KMT2E: variants seen among roughly 807,000 people sequenced by gnomAD.
The protein encoded by KMT2E is lysine methyltransferase 2E (inactive).
KMT2E carries 30 observed loss-of-function variants against 184.6 expected under a neutral mutation model. The observed-to-expected ratio is 0.16, with a 90% CI of 0.12 to 0.22. The LOEUF (loss-of-function observed/expected upper bound fraction) is 0.22. Ranked by LOEUF, KMT2E falls within the 10% of genes least tolerant of loss-of-function variation. The pLI is 1.00. For missense variants in KMT2E, 2,023 were observed against 2,237.4 expected (o/e 0.90, Z 1.93); for synonymous variants, 815 against 776.5 (o/e 1.05, Z -0.82).
intron 2 of KMT2E, among the ~76,000 whole-genome samples, chr7:105,040,531 ATT>A (rs1033609016): frequency 6.6e-6 from 1 of 152,194 alleles, no homozygotes; most frequent in African/African-American, 2.4e-5. Flanking sequence ...AAGAAGACTT[ATT>A]TTTGCATACT....
At chr7:105,108,805 A>G (rs1463644083) in intron 22 of KMT2E, 137 bp from the exon 23 acceptor site, 20 of 728,384 alleles carry the variant, frequency 2.7e-5, no homozygotes, top group Non-Finnish European at 3.1e-5. Context: ...GTAATTGTTA[A>G]TTATTTGTTC....
At chr7:105,096,564 A>C (rs1032877328) in intron 15 of KMT2E, among the ~76,000 whole-genome samples, 1 of 152,168 alleles carries the variant, frequency 6.6e-6, no homozygotes, top group African/African-American at 2.4e-5. Context: ...TCTAGTCTGG[A>C]ATTTTTATAC....
intron 1 of KMT2E, among the ~76,000 whole-genome samples, chr7:105,024,030 C>T (rs950415383): frequency 6.6e-5 from 10 of 152,098 alleles, no homozygotes; most frequent in Non-Finnish European, 1.2e-4. Flanking sequence ...TGATAATACT[C>T]ATCAGTTTTA....
intron 1 of KMT2E, among the ~76,000 whole-genome samples, chr7:105,028,466 G>A (rs992864956): frequency 6.6e-6 from 1 of 151,566 alleles, no homozygotes; most frequent in Non-Finnish European, 1.5e-5. Flanking sequence ...CAGCCCAGTC[G>A]AGACTGAGAC....
intron 15 of KMT2E, among the ~76,000 whole-genome samples, chr7:105,096,247 CAAAAAA>C (rs11330758): frequency 4.3e-5 from 3 of 69,256 alleles, no homozygotes; most frequent in African/African-American, 1.1e-4. Flanking sequence ...GTGAAAGGCT[CAAAAAA>C]AAAAAAAAAA....
chr7:105,086,800 A>G (rs1441630416), intron 13 of KMT2E, among the ~76,000 whole-genome samples: 7 of 147,260 alleles, frequency 4.8e-5, no homozygotes, highest in Admixed American at 1.4e-4. Context: ...ATATAAAAAT[A>G]TGATTATATA....
At chr7:105,084,232 A>C (rs1163667211) in intron 13 of KMT2E, among the ~76,000 whole-genome samples, 1 of 152,222 alleles carries the variant, frequency 6.6e-6, no homozygotes, top group African/African-American at 2.4e-5. Flanking sequence ...CATCTTTAGC[A>C]ATTCAACTTC....
chr7:105,034,811 A>C (rs1795566229), intron 1 of KMT2E, among the ~76,000 whole-genome samples: 1 of 130,974 alleles, frequency 7.6e-6, no homozygotes, highest in African/African-American at 2.9e-5. Flanking sequence ...TGTTATATAA[A>C]TGGAGTTAAA....
chr7:105,049,112 A>G (rs923748927), intron 3 of KMT2E, among the ~76,000 whole-genome samples: 4 of 152,180 alleles, frequency 2.6e-5, no homozygotes, highest in African/African-American at 9.6e-5. Flanking sequence ...AGATGAGAGG[A>G]GTAGGGCCTA....
chr7:105,033,518 A>AGACG (rs1222544230), intron 1 of KMT2E, among the ~76,000 whole-genome samples: 9 of 151,888 alleles, frequency 5.9e-5, no homozygotes, highest in South Asian at 2.1e-4. Context: ...TGCTTTTTTG[A>AGACG]GACGGAGTCT....
chr7:105,033,991 G>A (rs1795531361), intron 1 of KMT2E, among the ~76,000 whole-genome samples: 1 of 152,040 alleles, frequency 6.6e-6, no homozygotes, highest in Non-Finnish European at 1.5e-5. Flanking sequence ...ATCCAGTCTT[G>A]CCAGAGATAA....
chr7:105,041,091 A>AG (rs1795858526), intron 3 of KMT2E, 68 bp downstream of exon 3: 1 of 926,026 alleles, frequency 1.1e-6, no homozygotes, highest in African/African-American at 1.7e-5. Context: ...GAAAGTAGGA[A>AG]GAAGTATAAG....
chr7:105,098,244 T>C (rs952353757), intron 15 of KMT2E, among the ~76,000 whole-genome samples: 2 of 151,840 alleles, frequency 1.3e-5, no homozygotes, highest in African/African-American at 4.8e-5. Context: ...ATTTTTTTTT[T>C]TTTTTTTAGA....
At chr7:105,029,856 CTG>C (rs1795330040) in intron 1 of KMT2E, among the ~76,000 whole-genome samples, 1 of 152,108 alleles carries the variant, frequency 6.6e-6, no homozygotes, top group Non-Finnish European at 1.5e-5. Context: ...ATGGGGAGGA[CTG>C]AGCCTGGGGG....
rs555332252 is a variant in KMT2E, at chr7:105,035,477, CT to C, written c.-188-2637del. 3.4e-3 allele frequency among the ~76,000 whole-genome samples: 485 copies of C among 142,090 alleles called. 3 individuals carry two copies. The highest frequency in any genetic ancestry group is 0.011 in the Middle Eastern group (3 of 262). 93.2% of individuals were successfully genotyped at this position (142,090 alleles called of 152,430 possible). On this transcript the variant is annotated intron_variant, in intron 1 of 26. Coordinates refer to ENST00000311117, the MANE Select transcript of KMT2E (RefSeq NM_182931.3). ...AGCCACTGTGCCCAGCCAAGATCGG[CT>C]TTTTTTTTTTTCCACTCAGCATAAT...
chr7:105,085,669 A>T, intron 13 of KMT2E, among the ~76,000 whole-genome samples: 1 of 151,128 alleles, frequency 6.6e-6, no homozygotes. Flanking sequence ...TTCCTTCACT[A>T]ACTGCTATCT....
intron 8 of KMT2E, 92 bp downstream of exon 8, chr7:105,074,907 G>T: frequency 2.3e-6 from 2 of 884,672 alleles, no homozygotes; most frequent in Non-Finnish European, 3.2e-6. Flanking sequence ...AATAATCGAT[G>T]ATAGCTAAAA....
At chr7:105,085,800 C>T (rs995465136) in intron 13 of KMT2E, among the ~76,000 whole-genome samples, 2 of 152,004 alleles carry the variant, frequency 1.3e-5, no homozygotes, top group Non-Finnish European at 1.5e-5. Context: ...TCTCCCGCCT[C>T]GGAGAGTATA....
At chr7:105,045,483 A>T (rs1165160345) in intron 3 of KMT2E, among the ~76,000 whole-genome samples, 1 of 152,100 alleles carries the variant, frequency 6.6e-6, no homozygotes, top group Non-Finnish European at 1.5e-5. Flanking sequence ...CATAACCTCT[A>T]TTGTAGTTTC....
Sources: allele counts gnomAD v4.1 joint callset (sites outside exome capture counted in the v4.1 genomes callset), GRCh38; gene constraint gnomAD v4.1.1; transcripts MANE v1.5; gene names NCBI Gene and HGNC (gene_info 2026-07-23, HGNC 2026-07-21).